The following BMPR1B variants were observed in gnomAD, a reference collection of about 807,000 sequenced individuals.
BMPR1B encodes bone morphogenetic protein receptor type 1B.
Under a neutral mutation model 59.1 loss-of-function variants are expected in BMPR1B, and 12 were observed. That is an observed-to-expected ratio of 0.20 (90% confidence interval 0.13 to 0.33). BMPR1B has a LOEUF of 0.33. Among genes scored for constraint, BMPR1B ranks in the 10% least tolerant of loss-of-function variants. The probability of loss-of-function intolerance (pLI) is 1.00; values close to 1 mark genes in which losing one functional copy is unlikely to be tolerated. For synonymous variants in BMPR1B, 237 were observed against 207.3 expected (o/e 1.14, Z -1.23); for missense variants, 550 against 610.9 (o/e 0.90, Z 1.05).
chr4:94,836,110 TAGTATTCC>T (rs1724806680), intron 1 of BMPR1B, among the ~76,000 whole-genome samples: 1 of 148,432 alleles, frequency 6.7e-6, no homozygotes, highest in African/African-American at 2.5e-5. Context: ...TATGGCTGCA[TAGTATTCC>T]ATGGTGTATA....
intron 1 of BMPR1B, among the ~76,000 whole-genome samples, chr4:94,804,118 TC>T (rs1246493377): frequency 6.6e-6 from 1 of 152,172 alleles, no homozygotes; most frequent in Non-Finnish European, 1.5e-5. Flanking sequence ...GACCTTGTGA[TC>T]CGCCTGCCTC....
At chr4:94,912,353 G>C (rs1728309129) in intron 2 of BMPR1B, among the ~76,000 whole-genome samples, 1 of 152,122 alleles carries the variant, frequency 6.6e-6, no homozygotes, top group Non-Finnish European at 1.5e-5. Context: ...GAGGTGGGTG[G>C]AGGTTAGATT....
At chr4:94,911,747 C>T (rs560530580) in intron 2 of BMPR1B, among the ~76,000 whole-genome samples, 5 of 152,292 alleles carry the variant, frequency 3.3e-5, no homozygotes, top group African/African-American at 1.2e-4. Flanking sequence ...TGCTTCAGTA[C>T]ATCTAAGGTA....
chr4:94,852,754 G>A (rs1158181299), intron 1 of BMPR1B, among the ~76,000 whole-genome samples: 1 of 151,912 alleles, frequency 6.6e-6, no homozygotes, highest in Non-Finnish European at 1.5e-5. Context: ...TATATATAAA[G>A]TAATTTTATA....
intron 3 of BMPR1B, among the ~76,000 whole-genome samples, chr4:95,061,196 CACACACACACACACCA>C (rs1281074069): frequency 8.8e-5 from 13 of 147,664 alleles, no homozygotes; most frequent in Non-Finnish European, 1.5e-4. Flanking sequence ...CACACACACA[CACACACACACACACCA>C]CACACCCCTC....
intron 3 of BMPR1B, among the ~76,000 whole-genome samples, chr4:95,027,984 TGCAGAGGCAATAGAAAG>T (rs1372279455): frequency 3.3e-5 from 5 of 152,144 alleles, no homozygotes; most frequent in Non-Finnish European, 7.4e-5. Context: ...ATCTCTTCAG[TGCAGAGGCAATAGAAAG>T]GCAGGGCCAA....
intron 2 of BMPR1B, among the ~76,000 whole-genome samples, chr4:94,904,743 GAAAA>G (rs1489319424): frequency 3.9e-4 from 59 of 151,926 alleles, no homozygotes; most frequent in African/African-American, 1.4e-3. Context: ...ACTTATATAT[GAAAA>G]AGATTGGTTT....
chr4:94,844,943 G>A (rs1725257733), intron 1 of BMPR1B, among the ~76,000 whole-genome samples: 2 of 152,104 alleles, frequency 1.3e-5, no homozygotes, highest in African/African-American at 4.8e-5. Context: ...ATTTTCACCT[G>A]GGTCCTTCTT....
intron 1 of BMPR1B, among the ~76,000 whole-genome samples, chr4:94,830,040 G>GTA (rs1724519705): frequency 1.3e-5 from 2 of 152,208 alleles, no homozygotes; most frequent in East Asian, 3.9e-4. Flanking sequence ...TATTATGTAA[G>GTA]TATATGACAT....
rs1345597788 is a variant in BMPR1B, at chr4:95,154,873, CTGTT to C, written c.*204_*207del. ...CCCAGAAGGAGAGATTGATCCATGT[CTGTT>C]TGTAGGACGGAGAAACCGCTTGGGT... is the stretch of plus-strand genomic sequence containing the variant. On this transcript the variant is annotated 3_prime_UTR_variant, in exon 13 of 13. Coordinates refer to ENST00000515059, the MANE Select transcript of BMPR1B (RefSeq NM_001203.3). 6.2e-6 allele frequency: 4 copies of C among 650,402 alleles called. No homozygotes were observed. The highest frequency in any genetic ancestry group is 7.7e-6 in the Non-Finnish European group (3 of 387,918). 40.3% of individuals were successfully genotyped at this position (650,402 alleles called of 1,614,324 possible). A position where few individuals can be genotyped will look rare whatever the true frequency, so the allele number is the denominator to read the frequency against.
At chr4:94,989,061 G>C (rs1464545972) in intron 2 of BMPR1B, among the ~76,000 whole-genome samples, 2 of 152,008 alleles carry the variant, frequency 1.3e-5, no homozygotes, top group Non-Finnish European at 2.9e-5. Context: ...TAAATTTGTA[G>C]TATTCACAAC....
intron 3 of BMPR1B, among the ~76,000 whole-genome samples, chr4:95,067,128 T>C (rs1341118944): frequency 6.6e-6 from 1 of 152,212 alleles, no homozygotes; most frequent in Non-Finnish European, 1.5e-5. Flanking sequence ...ACTGAAGTGA[T>C]ATTTTTATTT....
intron 3 of BMPR1B, among the ~76,000 whole-genome samples, chr4:95,052,202 A>G (rs973527696): frequency 6.6e-5 from 10 of 152,332 alleles, no homozygotes; most frequent in African/African-American, 2.4e-4. Flanking sequence ...ATATGGATGC[A>G]TTGAGTAAAT....
intron 2 of BMPR1B, among the ~76,000 whole-genome samples, chr4:94,961,376 C>G (rs1243726348): frequency 6.6e-6 from 1 of 152,052 alleles, no homozygotes; most frequent in Admixed American, 6.6e-5. Flanking sequence ...CGGCAAAACC[C>G]GATTCTTTAT....
chr4:94,865,300 G>A (rs56051597), intron 1 of BMPR1B, among the ~76,000 whole-genome samples: 5,719 of 151,542 alleles, frequency 0.038, 348 homozygotes, highest in African/African-American at 0.13. Context: ...TATATTTTAG[G>A]TTAATTCAGA....
At chr4:95,118,400 T>A (rs1038991737) in intron 6 of BMPR1B, among the ~76,000 whole-genome samples, 2 of 152,232 alleles carry the variant, frequency 1.3e-5, no homozygotes, top group African/African-American at 4.8e-5. Context: ...GCTATATGAT[T>A]TTTTTCTTCT....
chr4:95,116,794 A>G (rs1732103422), intron 6 of BMPR1B, among the ~76,000 whole-genome samples: 1 of 151,926 alleles, frequency 6.6e-6, no homozygotes, highest in Non-Finnish European at 1.5e-5. Flanking sequence ...TTTGTGACAA[A>G]TGTTTTAACA....
chr4:94,926,526 A>G (rs1037915670), intron 2 of BMPR1B, among the ~76,000 whole-genome samples: 1 of 152,138 alleles, frequency 6.6e-6, no homozygotes, highest in African/African-American at 2.4e-5. Context: ...GTCATTTTGA[A>G]TGGATACTCT....
intron 1 of BMPR1B, among the ~76,000 whole-genome samples, chr4:94,811,123 T>A (rs780442618): frequency 1.3e-5 from 2 of 152,186 alleles, no homozygotes; most frequent in Non-Finnish European, 2.9e-5. Context: ...AGCAGGTGTA[T>A]CTCAAAATGT....
Sources: gnomAD v4.1 joint callset for allele counts (sites outside exome capture counted in the v4.1 genomes callset) on GRCh38, gnomAD v4.1.1 for gene constraint, MANE v1.5 for transcripts, NCBI Gene and HGNC (gene_info 2026-07-23, HGNC 2026-07-21) for gene names.